VAV2: variants seen among roughly 807,000 people sequenced by gnomAD.
VAV2 encodes guanine nucleotide exchange factor VAV2.
Under a neutral mutation model 132.5 loss-of-function variants are expected in VAV2, and 67 were observed. The ratio of observed to expected loss-of-function variants is 0.51; its 90% CI spans 0.42 to 0.62. VAV2 has a LOEUF of 0.62. VAV2 is among the 20% of genes least tolerant of loss of function. The probability of loss-of-function intolerance (pLI) is 0.00; values close to 1 mark genes in which losing one functional copy is unlikely to be tolerated. For synonymous variants in VAV2, 492 were observed against 443.5 expected, an observed-to-expected ratio of 1.11 and a Z score of -1.37; for missense variants, 938 against 1,153.6, an observed-to-expected ratio of 0.81 and a Z score of 2.71.
chr9:133,893,482 G>A (rs1424434167), intron 2 of VAV2, among the ~76,000 whole-genome samples: 4 of 152,202 alleles, frequency 2.6e-5, no homozygotes, highest in African/African-American at 7.2e-5. Context: ...GACCTGCCCC[G>A]CACGGCCGCC....
At chr9:133,929,960 A>C (rs1261046530) in intron 2 of VAV2, among the ~76,000 whole-genome samples, 1 of 152,214 alleles carries the variant, frequency 6.6e-6, no homozygotes, top group African/African-American at 2.4e-5. Context: ...CACATAAAAA[A>C]CAGATAAAAG....
At chr9:133,896,587 CT>C (rs1302057055) in intron 2 of VAV2, among the ~76,000 whole-genome samples, 2 of 152,228 alleles carry the variant, frequency 1.3e-5, no homozygotes, top group African/African-American at 4.8e-5. Context: ...CTATGCGAAA[CT>C]TTCAAACTGT....
intron 2 of VAV2, among the ~76,000 whole-genome samples, chr9:133,862,149 C>T (rs903413780): frequency 6.6e-6 from 1 of 152,254 alleles, no homozygotes; most frequent in African/African-American, 2.4e-5. Flanking sequence ...TCCCCCTAAC[C>T]GGCCTGCCCC....
intron 3 of VAV2, among the ~76,000 whole-genome samples, chr9:133,852,262 C>G (rs556182486): frequency 6.7e-6 from 1 of 149,934 alleles, no homozygotes; most frequent in Admixed American, 6.6e-5. Context: ...TGTAGGGTAC[C>G]TGGATGGGTG....
chr9:133,775,825 T>C (rs781442375), intron 24 of VAV2, among the ~76,000 whole-genome samples: 1 of 152,212 alleles, frequency 6.6e-6, no homozygotes, highest in Non-Finnish European at 1.5e-5. Flanking sequence ...GGAGAAGGAC[T>C]CCCCCAGGCT....
intron 2 of VAV2, among the ~76,000 whole-genome samples, chr9:133,932,293 G>C (rs1281453197): frequency 6.6e-6 from 1 of 152,232 alleles, no homozygotes; most frequent in Non-Finnish European, 1.5e-5. Context: ...CCGTGGCGGG[G>C]AGCAGGGCCA....
Position 133,926,943 on chromosome 9 carries a change from C to G in VAV2, c.321+12160G>C, listed in dbSNP as rs1313528326. ...GCCCTGGCCACAACTATAGCAACTC[C>G]CCAAACCTCAGCCATCTCAGAAAAA... On this transcript the variant is annotated intron_variant, in intron 2 of 29. Transcript: ENST00000371850. This position sits in a 1 kb window ranked among gnomAD's most constrained non-coding sequence, Gnocchi z 4.3. Among the ~76,000 whole-genome samples the G allele has an allele frequency of 6.6e-6, 1 of 152,174 alleles. No homozygotes were observed. Among genetic ancestry groups the G allele is most frequent in the African/African-American group, 2.4e-5 (1 of 41,430 alleles).
rs751132758 is a variant in VAV2, at chr9:133,777,413, C to T, written c.1941G>A (p.Val647=). Residue 647 remains valine, a synonymous_variant, in exon 23 of 30, where the codon GTG becomes GTA. Coordinates refer to ENST00000371850, the MANE Select transcript of VAV2 (RefSeq NM_001134398.2). ...RKSGYFPSSS[V]KPCPVDGRPP... is the part of the protein sequence containing the mutation. ...CCCTTCCATCCACAGGGCAGGGCTTCACAGATGAGCTGGGGAAATACCCTG... is the reference window on the plus strand; with the variant it reads ...CCCTTCCATCCACAGGGCAGGGCTTTACAGATGAGCTGGGGAAATACCCTG... 3.7e-6 allele frequency: 6 copies of T among 1,613,834 alleles called. No homozygotes were observed. Among genetic ancestry groups the T allele is most frequent in the Non-Finnish European group, 5.1e-6 (6 of 1,180,022 alleles).
chr9:133,939,401 G>T (rs556967112), intron 1 of VAV2, 182 bp from the exon 2 acceptor site: 6 of 635,690 alleles, frequency 9.4e-6, no homozygotes, highest in South Asian at 1.9e-5. Flanking sequence ...TCCCAAGGCT[G>T]GGGGGTGAGA....
intron 2 of VAV2, among the ~76,000 whole-genome samples, chr9:133,874,455 G>A (rs972609744): frequency 1.3e-5 from 2 of 152,186 alleles, no homozygotes; most frequent in Admixed American, 6.5e-5. Context: ...GGCTGCAGAC[G>A]AGCCGCATCA....
At chr9:133,782,831 G>C (rs1245319323) in intron 19 of VAV2, among the ~76,000 whole-genome samples, 1 of 152,206 alleles carries the variant, frequency 6.6e-6, no homozygotes, top group East Asian at 1.9e-4. Flanking sequence ...CCTCTCAGGA[G>C]AGAACTGTCT....
intron 3 of VAV2, among the ~76,000 whole-genome samples, chr9:133,859,070 T>C (rs1837495514): frequency 6.6e-6 from 1 of 151,338 alleles, no homozygotes; most frequent in Non-Finnish European, 1.5e-5. Context: ...GTTGGCTGGG[T>C]GGAGGGGCCA....
chr9:133,846,860 C>T (rs986481747), intron 3 of VAV2, among the ~76,000 whole-genome samples: 1 of 152,236 alleles, frequency 6.6e-6, no homozygotes, highest in Non-Finnish European at 1.5e-5. Context: ...CCCCAGTGAT[C>T]GGGTCACCAG....
chr9:133,763,918 C>G lies in VAV2; in HGVS notation c.*144G>C. 1 of 998,638 alleles carries G rather than the reference C, an allele frequency of 1.0e-6. No individual in the cohort carries two copies. The highest frequency in any genetic ancestry group is 1.5e-6 in the Non-Finnish European group (1 of 658,160). The allele number at this position is 998,638 out of a possible 1,614,324, so 61.9% of individuals were successfully genotyped here. A position where few individuals can be genotyped will look rare whatever the true frequency, so the allele number is the denominator to read the frequency against. ...AGTGAAACGGTTCGAGTTTAGGATTCTCAACACCCTCCCTATCCCTGTGGG... is the reference window on the plus strand; with the variant it reads ...AGTGAAACGGTTCGAGTTTAGGATTGTCAACACCCTCCCTATCCCTGTGGG... On this transcript the variant is annotated 3_prime_UTR_variant, in exon 30 of 30. Transcript: ENST00000371850. The surrounding 1 kb of genome is among the most constrained non-coding windows in gnomAD (Gnocchi z 6.8).
At position 133,768,852 on chromosome 9, in the gene VAV2, G is replaced by A. The variant is rs1314575769; in HGVS notation, c.2435-256C>T. ...GATGTTCTTAGGGACAAGAGCAGGTGCCCAGGCTTTGACCATCATCATTCC... is the reference window on the plus strand; with the variant it reads ...GATGTTCTTAGGGACAAGAGCAGGTACCCAGGCTTTGACCATCATCATTCC... On this transcript the variant is annotated intron_variant, in intron 28 of 29. Coordinates refer to ENST00000371850, the MANE Select transcript of VAV2 (RefSeq NM_001134398.2). The surrounding 1 kb of genome is among the most constrained non-coding windows in gnomAD (Gnocchi z 5.3). Among the ~76,000 whole-genome samples, 2 of 152,198 alleles carry A rather than the reference G, an allele frequency of 1.3e-5. No homozygotes were observed. Among genetic ancestry groups the A allele is most frequent in the African/African-American group, 4.8e-5 (2 of 41,456 alleles).
chr9:133,921,050 C>T (rs1254880204), intron 2 of VAV2, among the ~76,000 whole-genome samples: 2 of 152,172 alleles, frequency 1.3e-5, no homozygotes, highest in African/African-American at 4.8e-5. Flanking sequence ...TAATAAATGT[C>T]GTTGGCTTAA....
At chr9:133,924,893 G>A (rs1300574514) in intron 2 of VAV2, among the ~76,000 whole-genome samples, 1 of 152,248 alleles carries the variant, frequency 6.6e-6, no homozygotes, top group Non-Finnish European at 1.5e-5. Flanking sequence ...TCACAAAAAG[G>A]AATGACCCAC....
rs1365665972 is a variant in VAV2 at position 133,939,040 on chromosome 9, C to CA, written c.321+62_321+63insT. The CA allele has an allele frequency of 2.8e-4, 417 of 1,494,986 alleles. 1 individual carries two copies. The highest frequency in any genetic ancestry group is 3.8e-4 in the Non-Finnish European group (406 of 1,072,082). The allele number at this position is 1,494,986 out of a possible 1,614,324, so 92.6% of individuals were successfully genotyped here. A position where few individuals can be genotyped will look rare whatever the true frequency, so the allele number is the denominator to read the frequency against. On this transcript the variant is annotated intron_variant, in intron 2 of 29. Coordinates refer to ENST00000371850, the MANE Select transcript of VAV2 (RefSeq NM_001134398.2). ...TGCTCCATGGATCTGGCCCACCTGC[C>CA]GCTGAGCCGGCAAATCGGCCACCAC...
rs1834985951 is a variant in VAV2, at chr9:133,802,790, G to T, written c.836+3291C>A. On this transcript the variant is annotated intron_variant, in intron 9 of 29. Transcript: ENST00000371850. This position sits in a 1 kb window ranked among gnomAD's most constrained non-coding sequence, Gnocchi z 5.8. ...CCACACAGCCCCAACCTCTCAAGAT[G>T]CCCAGGGACAGGCCAGCGTGGATTG... Among the ~76,000 whole-genome samples the T allele has an allele frequency of 6.6e-6, 1 of 152,160 alleles. No individual in the cohort carries two copies. The highest frequency in any genetic ancestry group is 2.4e-5 in the African/African-American group (1 of 41,430).
Sources: allele counts gnomAD v4.1 joint callset (sites outside exome capture counted in the v4.1 genomes callset), GRCh38; gene constraint gnomAD v4.1.1; non-coding constraint Gnocchi (gnomAD v3.1); transcripts MANE v1.5; gene names NCBI Gene and HGNC (gene_info 2026-07-23, HGNC 2026-07-21).